KCNJ12: variants seen among roughly 807,000 people sequenced by gnomAD.
KCNJ12 encodes the protein potassium inwardly rectifying channel subfamily J member 12.
In KCNJ12, 2 loss-of-function variants were observed where a neutral mutation model predicts 22.3. The observed-to-expected ratio is 0.09, with a 90% CI of 0.04 to 0.28. KCNJ12 has a LOEUF of 0.28. KCNJ12 is among the 10% of genes least tolerant of loss of function. The pLI, the probability that KCNJ12 is intolerant of heterozygous loss-of-function variation, is 1.00. For synonymous variants in KCNJ12, 117 were observed against 261.4 expected (o/e 0.45, Z 5.33); for missense variants, 155 against 633.3 (o/e 0.24, Z 8.11).
Position 21,416,072 on chromosome 17 carries a change from A to G in KCNJ12, c.730A>G (p.Ile244Val), listed in dbSNP as rs782011713. 4.7e-5 allele frequency: 75 copies of G among 1,610,526 alleles called. No homozygotes were observed. The South Asian group carries it at 8.0e-4, about 17-fold the overall frequency. The change falls in exon 3 of 3, where the codon ATC becomes GTC. Residue 244 changes from isoleucine to valine, a missense_variant. Transcript: ENST00000583088. ...KPRVTEEGEY[I>V]PLDQIDIDVG... ...GCGGGTCACCGAGGAGGGCGAGTAC[A>G]TCCCGCTGGACCAGATCGACATCGA...
chr17:21,415,960 C>A lies in KCNJ12; in HGVS notation c.618C>A (p.Asp206Glu). 1 of 1,394,698 alleles carries A rather than the reference C, an allele frequency of 7.2e-7. No homozygotes were observed. Among genetic ancestry groups the A allele is most frequent in the Non-Finnish European group, 9.5e-7 (1 of 1,049,460 alleles). 86.4% of individuals were successfully genotyped at this position (1,394,698 alleles called of 1,614,324 possible). The change falls in exon 3 of 3, where the codon GAC becomes GAA. Residue 206 changes from aspartate (D) to glutamate (E), a missense_variant. Asp to Glu is a conservative substitution (Grantham distance 45). Transcript: ENST00000583088. The part of the protein sequence containing the change: ...FSHNAVVALR[D>E]GKLCLMWRVG... ...ACAACGCCGTGGTGGCCCTGCGTGA[C>A]GGCAAGCTCTGCCTCATGTGGCGTG...
chr17:21,411,240 C>G (rs1205108045), intron 2 of KCNJ12, among the ~76,000 whole-genome samples: 3 of 152,312 alleles, frequency 2.0e-5, no homozygotes, highest in Non-Finnish European at 4.4e-5. Context: ...GGACCCCACC[C>G]TTAGGTCACG....
chr17:21,407,169 C>G (rs1406532408), intron 1 of KCNJ12, among the ~76,000 whole-genome samples: 1 of 152,306 alleles, frequency 6.6e-6, no homozygotes, highest in Admixed American at 6.5e-5. Flanking sequence ...CCCTCACACC[C>G]ATCCACCCAT....
chr17:21,408,836 G>T lies in KCNJ12; in HGVS notation c.-57+196G>T, dbSNP rs1156772864. ...ATCCATCCCCTCGCCCATGCCATCC[G>T]TTCCTCACCCATTCCCCCACCCATT... On this transcript the variant is annotated intron_variant, in intron 2 of 2. Coordinates refer to ENST00000583088, the MANE Select transcript of KCNJ12 (RefSeq NM_021012.5). 1.0e-4 allele frequency among the ~76,000 whole-genome samples: 15 copies of T among 146,120 alleles called. No individual in the cohort carries two copies. The South Asian group carries it at 2.9e-3, about 28-fold the overall frequency.
At chr17:21,409,124 T>C (rs1476806105) in intron 2 of KCNJ12, among the ~76,000 whole-genome samples, 9 of 152,308 alleles carry the variant, frequency 5.9e-5, no homozygotes, top group Non-Finnish European at 1.2e-4. Context: ...TCTAGGCCTC[T>C]GAGCTTGGTC....
intron 1 of KCNJ12, among the ~76,000 whole-genome samples, chr17:21,405,800 G>A (rs1409006833): frequency 1.1e-4 from 17 of 152,420 alleles, no homozygotes; most frequent in Admixed American, 7.8e-4. Context: ...TGCAGGTGGC[G>A]GGAGCTCTGG....
At chr17:21,400,207 G>A (rs1905525433) in intron 1 of KCNJ12, among the ~76,000 whole-genome samples, 1 of 152,234 alleles carries the variant, frequency 6.6e-6, no homozygotes, top group African/African-American at 2.4e-5. Flanking sequence ...CACATGCAAA[G>A]GCCACCTGGG....
intron 1 of KCNJ12, among the ~76,000 whole-genome samples, chr17:21,392,825 C>T (rs1275109334): frequency 2.0e-5 from 3 of 152,272 alleles, no homozygotes; most frequent in Admixed American, 6.5e-5. Flanking sequence ...GCAGCACGGT[C>T]GGGGCAACCT....
At chr17:21,412,031 C>T (rs1262531865) in intron 2 of KCNJ12, among the ~76,000 whole-genome samples, 1 of 17,342 alleles carries the variant, frequency 5.8e-5, no homozygotes, top group African/African-American at 1.5e-4. Flanking sequence ...CTCTCTCTCA[C>T]ACACACACAC....
At chr17:21,377,273 C>A (rs1904691384) in intron 1 of KCNJ12, among the ~76,000 whole-genome samples, 2 of 151,974 alleles carry the variant, frequency 1.3e-5, no homozygotes, top group Non-Finnish European at 2.9e-5. Flanking sequence ...CGGAAGCACT[C>A]TGGCGCGCGG....
chr17:21,415,589 A>C lies in KCNJ12; in HGVS notation c.247A>C (p.Met83Leu). 1 of 1,614,216 alleles carries C rather than the reference A, an allele frequency of 6.2e-7. No homozygotes were observed. The highest frequency in any genetic ancestry group is 8.5e-7 in the Non-Finnish European group (1 of 1,180,046). ...CTGTGTGGACATCCGCTGGCGGTAC[A>C]TGCTGCTCATCTTCTCGCTGGCCTT... ...TTCVDIRWRYMLLIFSLAFLA... is the reference protein window; with the variant it reads ...TTCVDIRWRYLLLIFSLAFLA... The change falls in exon 3 of 3, where the codon ATG becomes CTG. Residue 83 changes from methionine (M) to leucine (L), a missense_variant. Coordinates refer to ENST00000583088, the MANE Select transcript of KCNJ12 (RefSeq NM_021012.5).
Position 21,419,393 on chromosome 17 carries a change from G to A in KCNJ12, c.*2749G>A, listed in dbSNP as rs1435129128. On this transcript the variant is annotated 3_prime_UTR_variant, in exon 3 of 3. Coordinates refer to ENST00000583088, the MANE Select transcript of KCNJ12 (RefSeq NM_021012.5). ...CCGTGTACAAGTTTCCTGTGAGGGA[G>A]GGCACCCACCCATCAGGTTGGGCAC... 1.2e-5 allele frequency: 2 copies of A among 167,018 alleles called. No individual in the cohort carries two copies. The highest frequency in any genetic ancestry group is 4.8e-5 in the African/African-American group (2 of 41,356). 10.3% of individuals were successfully genotyped at this position (167,018 alleles called of 1,614,324 possible).
rs191213214 is a variant in KCNJ12 at position 21,394,503 on chromosome 17, T to A, written c.-178-14016T>A. Among the ~76,000 whole-genome samples, 131 of 152,324 alleles carry A rather than the reference T, an allele frequency of 8.6e-4. 2 individuals carry two copies. In the East Asian group the frequency reaches 0.021, roughly 24 times the overall value. ...CATCGTTAATCGAGGCATGACTGTA[T>A]GGTACTCAGGGGCTAAGTCTGACAC... On this transcript the variant is annotated intron_variant, in intron 1 of 2. Transcript: ENST00000583088.
intron 1 of KCNJ12, among the ~76,000 whole-genome samples, chr17:21,379,408 CT>C (rs1205115796): frequency 1.3e-5 from 2 of 152,358 alleles, no homozygotes; most frequent in Admixed American, 6.5e-5. Flanking sequence ...CTCACCCCCC[CT>C]GCTCCCAGGC....
chr17:21,386,881 A>G (rs1555558713), intron 1 of KCNJ12, among the ~76,000 whole-genome samples: 2 of 152,236 alleles, frequency 1.3e-5, no homozygotes, highest in African/African-American at 2.4e-5. Flanking sequence ...CAAACTCTAT[A>G]TTTGCAAAGG....
At chr17:21,395,331 A>G (rs1188210595) in intron 1 of KCNJ12, among the ~76,000 whole-genome samples, 1 of 150,850 alleles carries the variant, frequency 6.6e-6, no homozygotes, top group Non-Finnish European at 1.5e-5. Context: ...ACAGTGACTC[A>G]TGCCTGTAAT....
intron 1 of KCNJ12, among the ~76,000 whole-genome samples, chr17:21,379,298 C>T (rs56369900): frequency 0.038 from 5,718 of 152,290 alleles, 136 homozygotes; most frequent in Middle Eastern, 0.082. Flanking sequence ...ATGGCTGGGG[C>T]GGAAGTGAGT....
In KCNJ12 at chr17:21,419,306, G is replaced by T. The variant is rs1162284700; in HGVS notation, c.*2662G>T. 6.0e-6 allele frequency: 1 copy of T among 166,684 alleles called. No individual in the cohort carries two copies. The highest frequency in any genetic ancestry group is 1.9e-4 in the East Asian group (1 of 5,184). 10.3% of individuals were successfully genotyped at this position (166,684 alleles called of 1,614,324 possible). Reference sequence around the variant, plus strand: ...ATACGTGATCTATACGTGTGTGTGTGTGTGTGTGTGTGTGTGTGTGTGTAT... The same window carrying T: ...ATACGTGATCTATACGTGTGTGTGTTTGTGTGTGTGTGTGTGTGTGTGTAT... On this transcript the variant is annotated 3_prime_UTR_variant, in exon 3 of 3. Coordinates refer to ENST00000583088, the MANE Select transcript of KCNJ12 (RefSeq NM_021012.5).
Position 21,376,389 on chromosome 17 carries a change from C to CGCGGAGCTGGGT in KCNJ12, c.-699_-688dup, listed in dbSNP as rs1904648601. 6.6e-6 allele frequency: 1 copy of CGCGGAGCTGGGT among 151,708 alleles called. No homozygotes were observed. Among genetic ancestry groups the CGCGGAGCTGGGT allele is most frequent in the Non-Finnish European group, 1.5e-5 (1 of 67,854 alleles). 9.4% of individuals were successfully genotyped at this position (151,708 alleles called of 1,614,324 possible). A position where few individuals can be genotyped will look rare whatever the true frequency, so the allele number is the denominator to read the frequency against. On this transcript the variant is annotated 5_prime_UTR_variant, in exon 1 of 3. Transcript: ENST00000583088. The surrounding 1 kb of genome is among the most constrained non-coding windows in gnomAD (Gnocchi z 5.3). ...CGAGCTGAGCTCCGGTGGAGCGAGG[C>CGCGGAGCTGGGT]GCGGAGCTGGGTGCGCGCCGAGCCT...
Sources: allele counts gnomAD v4.1 joint callset (sites outside exome capture counted in the v4.1 genomes callset), GRCh38; gene constraint gnomAD v4.1.1; non-coding constraint Gnocchi (gnomAD v3.1); transcripts MANE v1.5; gene names NCBI Gene and HGNC (gene_info 2026-07-23, HGNC 2026-07-21).